Variants in PCDHGA1 observed in about 807,000 individuals in gnomAD.
PCDHGA1 encodes protocadherin gamma subfamily A, 1.
A neutral mutation model predicts 58.0 loss-of-function variants in PCDHGA1; 32 were observed. That is an observed-to-expected ratio of 0.55 (90% CI 0.42 to 0.74). The LOEUF is 0.74. Among genes scored for constraint, PCDHGA1 ranks in the 30% least tolerant of loss-of-function variants. The pLI is 0.00. For synonymous variants in PCDHGA1, 498 were observed against 501.1 expected, an observed-to-expected ratio of 0.99 and a Z score of 0.08; for missense variants, 1,205 against 1,182.3, an observed-to-expected ratio of 1.02 and a Z score of -0.28.
Position 141,490,526 on chromosome 5 carries a change from C to T in PCDHGA1, c.2422-4281C>T, listed in dbSNP as rs1270447529. 6.2e-7 allele frequency: 1 copy of T among 1,614,116 alleles called. No homozygotes were observed. Among genetic ancestry groups the T allele is most frequent in the Non-Finnish European group, 8.5e-7 (1 of 1,180,008 alleles). ...ATCATCGAGCTGCTGGCCAGCGATGCTGGTTCACCTTCCCTACACAAACAT... is the reference window on the plus strand; with the variant it reads ...ATCATCGAGCTGCTGGCCAGCGATGTTGGTTCACCTTCCCTACACAAACAT... On this transcript the variant is annotated intron_variant, in intron 1 of 3. Coordinates refer to ENST00000517417, the MANE Select transcript of PCDHGA1 (RefSeq NM_018912.3). The surrounding 1 kb of genome is among the most constrained non-coding windows in gnomAD (Gnocchi z 5.4).
At chr5:141,352,554 A>G (rs183312809) in intron 1 of PCDHGA1, 3 of 1,613,804 alleles carry the variant, frequency 1.9e-6, no homozygotes, top group South Asian at 2.2e-5. Flanking sequence ...AATTCTCTCA[A>G]CCTGACACCG....
At chr5:141,333,260 C>G in intron 1 of PCDHGA1, 155 bp downstream of exon 1, 1 of 1,034,074 alleles carries the variant, frequency 9.7e-7, no homozygotes, top group East Asian at 2.5e-5. Flanking sequence ...TGAGTCTACA[C>G]GTTCATATGC....
rs201409669 is a variant in PCDHGA1 at position 141,490,703 on chromosome 5, G to A, written c.2422-4104G>A. The stretch of plus-strand genomic sequence containing the variant: ...GATCCAGACACTGGGGATAATGCCC[G>A]CCTCACCTACTCCATTGTAGGAAAT... On this transcript the variant is annotated intron_variant, in intron 1 of 3. Coordinates refer to ENST00000517417, the MANE Select transcript of PCDHGA1 (RefSeq NM_018912.3). This position sits in a 1 kb window ranked among gnomAD's most constrained non-coding sequence, Gnocchi z 5.4. 2.6e-4 allele frequency: 421 copies of A among 1,614,106 alleles called. No homozygotes were observed. Among genetic ancestry groups the A allele is most frequent in the Middle Eastern group, 6.6e-4 (4 of 6,062 alleles).
At chr5:141,473,335 C>T (rs1243738475) in intron 1 of PCDHGA1, among the ~76,000 whole-genome samples, 3 of 152,184 alleles carry the variant, frequency 2.0e-5, no homozygotes, top group Non-Finnish European at 4.4e-5. Context: ...GCCTGCTGTG[C>T]TAGACAGTGA....
intron 1 of PCDHGA1, chr5:141,375,430 G>C: frequency 6.2e-7 from 1 of 1,613,848 alleles, no homozygotes; most frequent in Non-Finnish European, 8.5e-7. Flanking sequence ...ACGACAACCC[G>C]CCCACCTTCC....
At chr5:141,403,125 A>G (rs755647554) in intron 1 of PCDHGA1, 2 of 1,614,028 alleles carry the variant, frequency 1.2e-6, no homozygotes. Context: ...GAGCCCCGGG[A>G]GCTGGCGGAG....
At chr5:141,458,172 T>A (rs1023447659) in intron 1 of PCDHGA1, among the ~76,000 whole-genome samples, 2 of 152,216 alleles carry the variant, frequency 1.3e-5, no homozygotes, top group African/African-American at 4.8e-5. Flanking sequence ...CACAGTAGTA[T>A]ACCTTACTTG....
chr5:141,409,018 G>T lies in PCDHGA1; in HGVS notation c.2421+75913G>T, dbSNP rs369210340. The T allele has an allele frequency of 4.0e-5, 64 of 1,613,814 alleles. No individual in the cohort carries two copies. The Admixed American group carries it at 1.1e-3, about 27-fold the overall frequency. ...TGACAGCCACTGACCAGGATGAGGG[G>T]GTCAATGCTGAGATAAACTACTACT... On this transcript the variant is annotated intron_variant, in intron 1 of 3. Transcript: ENST00000517417.
At chr5:141,383,674 A>T in intron 1 of PCDHGA1, 1 of 1,614,034 alleles carries the variant, frequency 6.2e-7, no homozygotes, top group Non-Finnish European at 8.5e-7. Context: ...GCCAGTGGGT[A>T]CAAGACTGCT....
chr5:141,362,397 G>T (rs778703789), intron 1 of PCDHGA1: 1 of 1,613,898 alleles, frequency 6.2e-7, no homozygotes, highest in African/African-American at 1.3e-5. Flanking sequence ...CCTACAACCT[G>T]TGTGTTGCCT....
At position 141,375,817 on chromosome 5, in the gene PCDHGA1, G is replaced by T. The variant is rs376557886; in HGVS notation, c.2421+42712G>T. 8 of 1,614,164 alleles carry T rather than the reference G, an allele frequency of 5.0e-6. No homozygotes were observed. In the African/African-American group the frequency reaches 9.3e-5, roughly 19 times the overall value. ...ACGGTTCCACTGGCGTGGAGCTGGC[G>T]CCCCGCTCCGCAGAGCCCGGCTACC... On this transcript the variant is annotated intron_variant, in intron 1 of 3. Coordinates refer to ENST00000517417, the MANE Select transcript of PCDHGA1 (RefSeq NM_018912.3).
intron 1 of PCDHGA1, chr5:141,360,679 GA>G: frequency 6.2e-7 from 1 of 1,613,988 alleles, no homozygotes; most frequent in Non-Finnish European, 8.5e-7. Flanking sequence ...TGATCTCGCT[GA>G]GAAACAGACT....
At chr5:141,467,352 C>A (rs2099142466) in intron 1 of PCDHGA1, among the ~76,000 whole-genome samples, 1 of 152,140 alleles carries the variant, frequency 6.6e-6, no homozygotes, top group South Asian at 2.1e-4. Context: ...TGCCCCCGGC[C>A]AAATCAACGT....
chr5:141,414,469 G>T (rs944183814), intron 1 of PCDHGA1: 1 of 1,613,742 alleles, frequency 6.2e-7, no homozygotes, highest in African/African-American at 1.3e-5. Context: ...CACAGATGGG[G>T]GAAGTCCTCC....
At chr5:141,503,178 T>C (rs988629461) in intron 2 of PCDHGA1, among the ~76,000 whole-genome samples, 56 of 151,998 alleles carry the variant, frequency 3.7e-4, no homozygotes, top group African/African-American at 1.3e-3. Flanking sequence ...TACTCTATTG[T>C]GTAATTATTT....
intron 1 of PCDHGA1, chr5:141,366,577 C>A (rs376647678): frequency 1.2e-6 from 2 of 1,614,118 alleles, no homozygotes; most frequent in African/African-American, 2.7e-5. Context: ...TTCGGGCTTT[C>A]CTGCAGACCT....
At chr5:141,381,397 A>G (rs1207743426) in intron 1 of PCDHGA1, among the ~76,000 whole-genome samples, 1 of 152,222 alleles carries the variant, frequency 6.6e-6, no homozygotes, top group Admixed American at 6.5e-5. Flanking sequence ...GTTTTACTCT[A>G]TCAACATCAG....
In PCDHGA1 at chr5:141,331,329, T is replaced by A; in HGVS notation, c.645T>A (p.Ser215=). The A allele has an allele frequency of 6.2e-7, 1 of 1,614,168 alleles. No individual in the cohort carries two copies. The highest frequency in any genetic ancestry group is 1.3e-5 in the African/African-American group (1 of 75,038). ...EAVHHLILTA[S]DGGEPVRSGT... is the part of the protein sequence containing the mutation. ...TCCACCACCTCATCCTCACAGCTTC[T>A]GATGGGGGTGAACCAGTCCGTTCAG... Residue 215 remains serine (S), a synonymous_variant, in exon 1 of 4, where the codon TCT becomes TCA. Transcript: ENST00000517417.
intron 1 of PCDHGA1, chr5:141,400,090 A>G: frequency 6.2e-7 from 1 of 1,614,064 alleles, no homozygotes; most frequent in Non-Finnish European, 8.5e-7. Context: ...CGCCACCGCC[A>G]CGCTGCACTT....
Sources: gnomAD v4.1 joint callset for allele counts (sites outside exome capture counted in the v4.1 genomes callset) on GRCh38, gnomAD v4.1.1 for gene constraint, Gnocchi (gnomAD v3.1) non-coding constraint, MANE v1.5 for transcripts, NCBI Gene and HGNC (gene_info 2026-07-23, HGNC 2026-07-21) for gene names.